Variants in ADRA1B observed in about 807,000 individuals in gnomAD.
ADRA1B encodes alpha-1B adrenergic receptor.
ADRA1B carries 17 observed loss-of-function variants against 17.9 expected under a neutral mutation model. The observed-to-expected ratio is 0.95, with a 90% confidence interval of 0.65 to 1.42. ADRA1B has a LOEUF of 1.42. Among genes scored for constraint, ADRA1B ranks in the 40% most tolerant of loss-of-function variants. ADRA1B has a pLI of 0.00. For missense variants in ADRA1B, 681 were observed against 722.1 expected, an observed-to-expected ratio of 0.94 and a Z score of 0.65; for synonymous variants, 366 against 327.6, an observed-to-expected ratio of 1.12 and a Z score of -1.27.
At chr5:159,890,373 T>C (rs903320364) in intron 1 of ADRA1B, among the ~76,000 whole-genome samples, 2 of 152,204 alleles carry the variant, frequency 1.3e-5, no homozygotes, top group African/African-American at 4.8e-5. Context: ...TCTATTAAAT[T>C]AGTCATCTAT....
In ADRA1B at chr5:159,916,576, A is replaced by C; in HGVS notation, c.-330A>C. On this transcript the variant is annotated 5_prime_UTR_variant, in exon 1 of 2. Coordinates refer to ENST00000306675, the MANE Select transcript of ADRA1B (RefSeq NM_000679.4). Reference sequence around the variant, plus strand: ...GTCCGCAGACCCGAGCGAGCTGGGCACCGCCGGGCGCCCCCGGCCCTGCCG... The same window carrying C: ...GTCCGCAGACCCGAGCGAGCTGGGCCCCGCCGGGCGCCCCCGGCCCTGCCG... The C allele has an allele frequency of 4.9e-6, 1 of 204,332 alleles. No homozygotes were observed. The highest frequency in any genetic ancestry group is 9.7e-6 in the Non-Finnish European group (1 of 103,230). 12.7% of individuals were successfully genotyped at this position (204,332 alleles called of 1,614,324 possible).
intron 1 of ADRA1B, among the ~76,000 whole-genome samples, chr5:159,937,439 G>GT (rs1180552713): frequency 1.5e-5 from 2 of 136,954 alleles, no homozygotes; most frequent in Non-Finnish European, 3.3e-5. Context: ...CCTCTCTTTT[G>GT]TTTTTTTGTT....
At chr5:159,981,973 C>A in the ADRA1B span, among the ~76,000 whole-genome samples, 1 of 152,196 alleles carries the variant, frequency 6.6e-6, no homozygotes, top group Non-Finnish European at 1.5e-5. Flanking sequence ...TGTAATGCAG[C>A]AGAAGTGACC....
intron 1 of ADRA1B, among the ~76,000 whole-genome samples, chr5:159,888,722 A>C (rs1254344507): frequency 6.6e-6 from 1 of 152,180 alleles, no homozygotes; most frequent in East Asian, 1.9e-4. Flanking sequence ...CCAGGAATGC[A>C]CTTATGACTG....
intron 1 of ADRA1B, among the ~76,000 whole-genome samples, chr5:159,957,929 C>CA (rs35956137): frequency 0.065 from 4,347 of 66,580 alleles, 117 homozygotes; most frequent in African/African-American, 0.11. Flanking sequence ...AACCCCATCT[C>CA]AAAAAAAAAA....
At chr5:159,928,823 C>G (rs552011484) in intron 1 of ADRA1B, among the ~76,000 whole-genome samples, 1 of 152,234 alleles carries the variant, frequency 6.6e-6, no homozygotes, top group African/African-American at 2.4e-5. Context: ...AGCACTGGGC[C>G]GGGCGGAGAT....
At chr5:159,964,856 T>C (rs541837476) in intron 1 of ADRA1B, among the ~76,000 whole-genome samples, 1 of 152,308 alleles carries the variant, frequency 6.6e-6, no homozygotes, top group South Asian at 2.1e-4. Context: ...GTTGTAACAG[T>C]AGCAGCGCTC....
At chr5:159,961,351 T>G (rs1252384076) in intron 1 of ADRA1B, among the ~76,000 whole-genome samples, 1 of 152,206 alleles carries the variant, frequency 6.6e-6, no homozygotes, top group Non-Finnish European at 1.5e-5. Context: ...TTGCAAAAGG[T>G]GGCTGTGGTT....
chr5:159,936,940 C>T (rs190744371), intron 1 of ADRA1B, among the ~76,000 whole-genome samples: 37 of 152,220 alleles, frequency 2.4e-4, no homozygotes, highest in African/African-American at 6.3e-4. Context: ...CCTTATCCAG[C>T]GGGTCTTCAA....
chr5:159,975,209 G>T (rs1755953849), downstream of ADRA1B, among the ~76,000 whole-genome samples: 1 of 152,192 alleles, frequency 6.6e-6, no homozygotes, highest in Non-Finnish European at 1.5e-5. Flanking sequence ...GTGGAGTGGA[G>T]AGAAGACAGA....
At chr5:159,939,329 G>A (rs1021755333) in intron 1 of ADRA1B, among the ~76,000 whole-genome samples, 26 of 123,618 alleles carry the variant, frequency 2.1e-4, no homozygotes, top group South Asian at 4.8e-4. Flanking sequence ...GTGTGCGCGC[G>A]CGCGCGCACA....
intron 1 of ADRA1B, chr5:159,947,596 A>G (rs1324728338): frequency 3.4e-5 from 19 of 562,776 alleles, no homozygotes; most frequent in Non-Finnish European, 3.8e-5. Flanking sequence ...TTTCCCTTTT[A>G]CATTCTTTTT....
At chr5:159,885,095 T>C (rs1390106035) in intron 1 of ADRA1B, among the ~76,000 whole-genome samples, 2 of 152,090 alleles carry the variant, frequency 1.3e-5, no homozygotes, top group African/African-American at 4.8e-5. Flanking sequence ...GGGACCAAAT[T>C]AGCCCAGCCC....
intron 1 of ADRA1B, among the ~76,000 whole-genome samples, chr5:159,904,060 A>G (rs149776491): frequency 1.3e-5 from 2 of 152,286 alleles, no homozygotes; most frequent in African/African-American, 2.4e-5. Context: ...GTGAAATGAG[A>G]CTGATTTTCT....
chr5:159,979,276 T>G, the ADRA1B span, among the ~76,000 whole-genome samples: 1 of 152,352 alleles, frequency 6.6e-6, no homozygotes, highest in African/African-American at 2.4e-5. Context: ...CAATCCTGAT[T>G]TTCCCATTTA....
At chr5:159,881,513 A>G (rs1753863560) in intron 1 of ADRA1B, among the ~76,000 whole-genome samples, 1 of 152,160 alleles carries the variant, frequency 6.6e-6, no homozygotes, top group Non-Finnish European at 1.5e-5. Flanking sequence ...GTCTGTCAGC[A>G]TCTAAATGAC....
chr5:159,936,800 G>C (rs1030873264), intron 1 of ADRA1B, among the ~76,000 whole-genome samples: 19 of 152,216 alleles, frequency 1.2e-4, no homozygotes, highest in Non-Finnish European at 2.2e-4. Flanking sequence ...CACAGAGGCA[G>C]GGTAGAAAAT....
At chr5:159,948,001 A>G (rs1755323795) in intron 1 of ADRA1B, 1 of 985,434 alleles carries the variant, frequency 1.0e-6, no homozygotes, top group Non-Finnish European at 1.2e-6. Context: ...GATCAATTAC[A>G]TTGCTGCTGT....
chr5:159,974,408 G>C (rs1473076544), downstream of ADRA1B, among the ~76,000 whole-genome samples: 5 of 152,196 alleles, frequency 3.3e-5, no homozygotes, highest in African/African-American at 1.2e-4. Flanking sequence ...GCCGAGACGG[G>C]TGGATCACCT....
Sources: allele counts gnomAD v4.1 joint callset (sites outside exome capture counted in the v4.1 genomes callset), GRCh38; gene constraint gnomAD v4.1.1; transcripts MANE v1.5; gene names NCBI Gene and HGNC (gene_info 2026-07-23, HGNC 2026-07-21).